The following IFT22 variants were observed in gnomAD, a reference collection of about 807,000 sequenced individuals.
IFT22 encodes the protein intraflagellar transport protein 22 homolog.
IFT22 carries 13 observed loss-of-function variants against 21.0 expected under a neutral mutation model. The ratio of observed to expected loss-of-function variants is 0.62; its 90% CI spans 0.40 to 0.98. The LOEUF is 0.98. Ranked by LOEUF, IFT22 falls within the 50% of genes least tolerant of loss-of-function variation. The probability of loss-of-function intolerance (pLI) is 0.00; values close to 1 mark genes in which losing one functional copy is unlikely to be tolerated. For synonymous variants in IFT22, 67 were observed against 82.4 expected (o/e 0.81, Z 1.01); for missense variants, 227 against 228.9 (o/e 0.99, Z 0.06).
chr7:101,317,807 C>T (rs911497362), intron 3 of IFT22, among the ~76,000 whole-genome samples: 1 of 152,050 alleles, frequency 6.6e-6, no homozygotes, highest in Non-Finnish European at 1.5e-5. Context: ...ACTTCTGCCT[C>T]CCGGGTTCAA....
chr7:101,321,510 C>T (rs1013340715), intron 1 of IFT22, 161 bp downstream of exon 1: 5 of 667,888 alleles, frequency 7.5e-6, no homozygotes, highest in African/African-American at 5.8e-5. Context: ...CTGAAAGCAC[C>T]GAGTTCACGG....
intron 4 of IFT22, chr7:101,315,984 C>T (rs1790133445): frequency 9.4e-6 from 2 of 213,690 alleles, no homozygotes; most frequent in Non-Finnish European, 1.9e-5. Flanking sequence ...AGCCACCGCA[C>T]CCGGTCTTTT....
intron 1 of IFT22, 71 bp from the exon 2 acceptor site, chr7:101,319,103 A>T: frequency 1.3e-6 from 2 of 1,518,476 alleles, no homozygotes; most frequent in Non-Finnish European, 1.8e-6. Flanking sequence ...TGACCCCAAG[A>T]GGTGGCCTGG....
chr7:101,316,694 G>A, intron 3 of IFT22, 152 bp from the exon 4 acceptor site: 1 of 674,880 alleles, frequency 1.5e-6, no homozygotes, highest in Non-Finnish European at 2.5e-6. Context: ...GGAGGCCGAG[G>A]CGGGCGATCA....
chr7:101,319,641 CTTTT>C (rs11443697), intron 1 of IFT22, among the ~76,000 whole-genome samples: 1 of 111,808 alleles, frequency 8.9e-6, no homozygotes. Context: ...ATACACATTG[CTTTT>C]TTTTTTTTTT....
intron 3 of IFT22, among the ~76,000 whole-genome samples, chr7:101,317,039 G>A (rs1383888144): frequency 6.6e-6 from 1 of 152,012 alleles, no homozygotes; most frequent in Non-Finnish European, 1.5e-5. Context: ...GCTCACTGCA[G>A]CCTCCAATGT....
intron 1 of IFT22, among the ~76,000 whole-genome samples, chr7:101,319,310 C>T (rs952225039): frequency 4.6e-5 from 7 of 152,044 alleles, no homozygotes; most frequent in Admixed American, 2.0e-4. Flanking sequence ...CTCACTGCAA[C>T]CCCCGGGTTC....
chr7:101,318,190 T>G lies in IFT22; in HGVS notation c.140A>C (p.His47Pro). Residue 47 changes from histidine to proline, a missense_variant, in exon 3 of 5, where the codon CAT becomes CCT. By Grantham distance (77) the His-to-Pro change is moderately conservative. Coordinates refer to ENST00000315322, the MANE Select transcript of IFT22 (RefSeq NM_022777.4). ...GVRILEFENP[H>P]VTSNNKGTGC... ...CGTGCCTTTGTTGTTGCTGGTAACATGCGGGTTCTCAAATTCTAGGATCCT... is the reference window on the plus strand; with the variant it reads ...CGTGCCTTTGTTGTTGCTGGTAACAGGCGGGTTCTCAAATTCTAGGATCCT... 6.2e-7 allele frequency: 1 copy of G among 1,613,214 alleles called. No homozygotes were observed. Among genetic ancestry groups the G allele is most frequent in the Admixed American group, 1.7e-5 (1 of 59,984 alleles).
At chr7:101,317,452 A>T (rs10276112) in intron 3 of IFT22, among the ~76,000 whole-genome samples, 13,504 of 149,086 alleles carry the variant, frequency 0.091, 903 homozygotes, top group Admixed American at 0.26. Flanking sequence ...TTTTTTTTTT[A>T]AAATGAGGTT....
Position 101,313,267 on chromosome 7 carries a change from C to T in IFT22, c.*1867G>A, listed in dbSNP as rs1007445751. ...CCATGTTGGCCAGGCTGTTCTTGAA[C>T]TCCTGGCTTCCATCAGTTCTCCCAT... is the stretch of plus-strand genomic sequence containing the variant. On this transcript the variant is annotated 3_prime_UTR_variant, in exon 5 of 5. Coordinates refer to ENST00000315322, the MANE Select transcript of IFT22 (RefSeq NM_022777.4). The T allele has an allele frequency of 6.6e-6, 1 of 152,154 alleles. No homozygotes were observed. Among genetic ancestry groups the T allele is most frequent in the African/African-American group, 2.4e-5 (1 of 41,386 alleles). The allele number at this position is 152,154 out of a possible 1,614,324, so 9.4% of individuals were successfully genotyped here.
chr7:101,321,168 A>G (rs996210963), intron 1 of IFT22, among the ~76,000 whole-genome samples: 10 of 151,214 alleles, frequency 6.6e-5, no homozygotes, highest in Non-Finnish European at 1.3e-4. Context: ...AACAAAAACA[A>G]CAAATTTAGT....
chr7:101,316,056 T>C (rs988838441), intron 4 of IFT22: 52 of 316,220 alleles, frequency 1.6e-4, no homozygotes, highest in African/African-American at 1.1e-3. Flanking sequence ...TGGAGTGTAG[T>C]GGTGAGATCT....
rs1031387864 is a variant in IFT22, at chr7:101,316,165, ATT to A, written c.409+173_409+174del. On this transcript the variant is annotated intron_variant, in intron 4 of 4. Coordinates refer to ENST00000315322, the MANE Select transcript of IFT22 (RefSeq NM_022777.4). Reference sequence around the variant, plus strand: ...AGGCGCCTGCCATCATGCCTGGCTAATTTTTGTATTTTTAGTAGAGACGTAGT... The same window carrying A: ...AGGCGCCTGCCATCATGCCTGGCTAATTTGTATTTTTAGTAGAGACGTAGT... The A allele has an allele frequency of 3.4e-5, 21 of 613,424 alleles. No individual in the cohort carries two copies. The Admixed American group carries it at 5.8e-4, about 17-fold the overall frequency. The allele number at this position is 613,424 out of a possible 1,614,324, so 38.0% of individuals were successfully genotyped here. A position where few individuals can be genotyped will look rare whatever the true frequency, so the allele number is the denominator to read the frequency against.
At chr7:101,317,743 G>T (rs1790203064) in intron 3 of IFT22, among the ~76,000 whole-genome samples, 1 of 151,994 alleles carries the variant, frequency 6.6e-6, no homozygotes, top group Non-Finnish European at 1.5e-5. Flanking sequence ...TGAGCTAGAA[G>T]TCCAGCTCTG....
Position 101,319,431 on chromosome 7 carries a change from C to A in IFT22, c.40-399G>T, listed in dbSNP as rs549581207. ...GAAATTGGGGTTTCACCATGTTACTCGGGCTGGTCTCGAACTCCTGACTTC... is the reference window on the plus strand; with the variant it reads ...GAAATTGGGGTTTCACCATGTTACTAGGGCTGGTCTCGAACTCCTGACTTC... On this transcript the variant is annotated intron_variant, in intron 1 of 4. Transcript: ENST00000315322. Among the ~76,000 whole-genome samples the A allele has an allele frequency of 1.6e-4, 24 of 151,946 alleles. No homozygotes were observed. The South Asian group carries it at 4.6e-3, about 29-fold the overall frequency.
intron 1 of IFT22, among the ~76,000 whole-genome samples, chr7:101,320,062 T>C (rs887392021): frequency 6.6e-6 from 1 of 150,734 alleles, no homozygotes; most frequent in Non-Finnish European, 1.5e-5. Context: ...ATTCAAGCAA[T>C]TCTCCTGCCT....
At chr7:101,316,660 C>G (rs1338922289) in intron 3 of IFT22, 118 bp from the exon 4 acceptor site, 1 of 952,438 alleles carries the variant, frequency 1.0e-6, no homozygotes, top group Non-Finnish European at 1.6e-6. Flanking sequence ...CGTGGTGGCT[C>G]ACACCTGTAA....
At position 101,311,950 on chromosome 7, in the gene IFT22, G is replaced by A. The variant is rs949877727; in HGVS notation, c.*3184C>T. Among the ~76,000 whole-genome samples, 2 of 152,160 alleles carry A rather than the reference G, an allele frequency of 1.3e-5. No individual in the cohort carries two copies. Among genetic ancestry groups the A allele is most frequent in the Non-Finnish European group, 2.9e-5 (2 of 68,030 alleles). ...TTGAACCCGGAGGGTGGAGATTGCAGTGAGACTCTCAAAAAAACAAAACAA... is the reference window on the plus strand; with the variant it reads ...TTGAACCCGGAGGGTGGAGATTGCAATGAGACTCTCAAAAAAACAAAACAA... On this transcript the variant is annotated 3_prime_UTR_variant, in exon 5 of 5. Transcript: ENST00000315322.
chr7:101,315,540 A>G (rs964020316), intron 4 of IFT22: 1 of 481,132 alleles, frequency 2.1e-6, no homozygotes, highest in East Asian at 3.9e-5. Context: ...TTGTTTCTGA[A>G]TATTTTGTGA....
Sources: gnomAD v4.1 joint callset for allele counts (sites outside exome capture counted in the v4.1 genomes callset) on GRCh38, gnomAD v4.1.1 for gene constraint, MANE v1.5 for transcripts, NCBI Gene and HGNC (gene_info 2026-07-23, HGNC 2026-07-21) for gene names.